Variants in TRPC4 observed in about 807,000 individuals in gnomAD.
TRPC4 encodes short transient receptor potential channel 4.
Under a neutral mutation model 99.4 loss-of-function variants are expected in TRPC4, and 49 were observed. The observed-to-expected ratio is 0.49, with a 90% CI of 0.39 to 0.63. TRPC4 has a LOEUF of 0.63. Among genes scored for constraint, TRPC4 ranks in the 20% least tolerant of loss-of-function variants. TRPC4 has a pLI of 0.00. For missense variants in TRPC4, 898 were observed against 1,152.9 expected, an observed-to-expected ratio of 0.78 and a Z score of 3.20; for synonymous variants, 454 against 425.9, an observed-to-expected ratio of 1.07 and a Z score of -0.81.
chr13:37,695,711 AG>A (rs1449711634), intron 3 of TRPC4, among the ~76,000 whole-genome samples: 1 of 152,244 alleles, frequency 6.6e-6, no homozygotes, highest in Non-Finnish European at 1.5e-5. Flanking sequence ...AACTTTAAAA[AG>A]TTTGAAAAGT....
intron 1 of TRPC4, among the ~76,000 whole-genome samples, chr13:37,846,316 G>T (rs541934317): frequency 2.0e-5 from 3 of 152,068 alleles, no homozygotes; most frequent in Non-Finnish European, 4.4e-5. Context: ...GGTGTGTAAA[G>T]CAACTTTATC....
At chr13:37,765,207 T>A (rs1212940976) in intron 2 of TRPC4, among the ~76,000 whole-genome samples, 1 of 151,458 alleles carries the variant, frequency 6.6e-6, no homozygotes, top group East Asian at 1.9e-4. Context: ...ATCAAATCTA[T>A]CAGTGTCTTT....
At chr13:37,707,370 A>T (rs1954317976) in intron 3 of TRPC4, among the ~76,000 whole-genome samples, 1 of 152,166 alleles carries the variant, frequency 6.6e-6, no homozygotes, top group South Asian at 2.1e-4. Flanking sequence ...CAAGATGTAA[A>T]TATACCCTCA....
At chr13:37,683,141 C>T (rs1457826018) in intron 4 of TRPC4, among the ~76,000 whole-genome samples, 2 of 151,876 alleles carry the variant, frequency 1.3e-5, no homozygotes, top group Non-Finnish European at 2.9e-5. Flanking sequence ...ACTACTGCCT[C>T]CCTAAGTCAA....
chr13:37,785,996 G>A (rs1956960655), intron 1 of TRPC4, among the ~76,000 whole-genome samples: 2 of 152,020 alleles, frequency 1.3e-5, no homozygotes, highest in Admixed American at 1.3e-4. Flanking sequence ...GTAATTAAGA[G>A]ATGGAGGAGG....
chr13:37,793,911 A>G (rs1319452202), intron 1 of TRPC4, among the ~76,000 whole-genome samples: 1 of 152,164 alleles, frequency 6.6e-6, no homozygotes, highest in Non-Finnish European at 1.5e-5. Flanking sequence ...TAATATGTGC[A>G]TAAAAGTAAA....
chr13:37,717,454 T>C lies in TRPC4; in HGVS notation c.898-25119A>G, dbSNP rs144661381. ...TGAAAGGGAGTAGCCTGTCTGAATC[T>C]CTGTCAGCTGTGGTGTGGCTGAAAC... On this transcript the variant is annotated intron_variant, in intron 3 of 10. Transcript: ENST00000379705. 2.6e-4 allele frequency among the ~76,000 whole-genome samples: 39 copies of C among 152,278 alleles called. 1 individual carries two copies. The East Asian group carries it at 7.5e-3, about 29-fold the overall frequency.
intron 1 of TRPC4, among the ~76,000 whole-genome samples, chr13:37,857,913 A>G (rs1430698219): frequency 6.6e-6 from 1 of 151,760 alleles, no homozygotes; most frequent in Admixed American, 6.6e-5. Flanking sequence ...AAATGGACAA[A>G]TGGGATCACA....
At chr13:37,746,701 A>T (rs1486388278) in intron 2 of TRPC4, among the ~76,000 whole-genome samples, 1 of 151,930 alleles carries the variant, frequency 6.6e-6, no homozygotes, top group African/African-American at 2.4e-5. Flanking sequence ...AGCATCTTAA[A>T]ATAGGTGGTT....
intron 1 of TRPC4, among the ~76,000 whole-genome samples, chr13:37,849,726 G>T (rs1165402189): frequency 6.6e-6 from 1 of 152,220 alleles, no homozygotes; most frequent in Non-Finnish European, 1.5e-5. Flanking sequence ...GCCTCAGAAT[G>T]TTCAGCACTG....
Position 37,765,846 on chromosome 13 carries a change from A to C in TRPC4, c.378+17110T>G, listed in dbSNP as rs1956349482. 3.3e-5 allele frequency among the ~76,000 whole-genome samples: 5 copies of C among 151,448 alleles called. No homozygotes were observed. In the Middle Eastern group the frequency reaches 0.01, roughly 313 times the overall value. The stretch of plus-strand genomic sequence containing the variant: ...GATTAATTTTATCATATGCTTTGTA[A>C]ATTTCTCTTTTCTAGATATATTTGA... On this transcript the variant is annotated intron_variant, in intron 2 of 10. Transcript: ENST00000379705.
Position 37,678,581 on chromosome 13 carries a change from T to C in TRPC4, c.1235-4214A>G, listed in dbSNP as rs184317626. Among the ~76,000 whole-genome samples, 402 of 152,206 alleles carry C rather than the reference T, an allele frequency of 2.6e-3. 1 individual carries two copies. The highest frequency in any genetic ancestry group is 9.5e-3 in the African/African-American group (393 of 41,578). On this transcript the variant is annotated intron_variant, in intron 4 of 10. Transcript: ENST00000379705. ...GGACATAAAGCAACCTGAATAGTCC[T>C]ATAGTTATTAAAGGAAATGAACTGG...
intron 5 of TRPC4, among the ~76,000 whole-genome samples, chr13:37,671,394 G>A (rs1364854301): frequency 6.6e-6 from 1 of 151,940 alleles, no homozygotes; most frequent in Admixed American, 6.6e-5. Flanking sequence ...TAATAAAATT[G>A]AGACCTACAT....
At chr13:37,858,679 C>G (rs1959194482) in intron 1 of TRPC4, among the ~76,000 whole-genome samples, 1 of 151,280 alleles carries the variant, frequency 6.6e-6, no homozygotes, top group African/African-American at 2.4e-5. Flanking sequence ...AGAGACAGCA[C>G]AGAAAGACAA....
Position 37,637,403 on chromosome 13 carries a change from A to G in TRPC4, c.2434T>C (p.Ser812Pro), listed in dbSNP as rs1194546701. Residue 812 changes from serine (S) to proline (P), a missense_variant, in exon 11 of 11, where the codon TCT (serine) becomes CCT (proline). Transcript: ENST00000379705. The part of the protein sequence containing the change: ...LIHPRSAAIA[S>P]ERHNISNGSA... ...CCATTGCTTATGTTATGTCTTTCAG[A>G]GGCAATTGCTGCTGATCTCGGATGA... The G allele has an allele frequency of 6.2e-7, 1 of 1,613,684 alleles. No individual in the cohort carries two copies. The highest frequency in any genetic ancestry group is 8.5e-7 in the Non-Finnish European group (1 of 1,179,826).
At chr13:37,656,643 C>T (rs1408724528) in intron 6 of TRPC4, among the ~76,000 whole-genome samples, 1 of 152,114 alleles carries the variant, frequency 6.6e-6, no homozygotes, top group Non-Finnish European at 1.5e-5. Flanking sequence ...AGAAGTTTGC[C>T]TTAAAAATAT....
intron 1 of TRPC4, among the ~76,000 whole-genome samples, chr13:37,792,334 T>C (rs1245309704): frequency 6.6e-6 from 1 of 152,172 alleles, no homozygotes; most frequent in African/African-American, 2.4e-5. Flanking sequence ...CTTGCTCTAA[T>C]CCTTATTTCC....
intron 3 of TRPC4, among the ~76,000 whole-genome samples, chr13:37,707,142 T>G (rs917185774): frequency 6.6e-6 from 1 of 152,204 alleles, no homozygotes; most frequent in Non-Finnish European, 1.5e-5. Context: ...AAAATATTGA[T>G]GTTAAAAATA....
At chr13:37,834,187 G>A (rs1958498581) in intron 1 of TRPC4, among the ~76,000 whole-genome samples, 1 of 152,100 alleles carries the variant, frequency 6.6e-6, no homozygotes, top group South Asian at 2.1e-4. Context: ...GTTTATAAAT[G>A]TTCTACATAG....
Sources: gnomAD v4.1 joint callset for allele counts (sites outside exome capture counted in the v4.1 genomes callset) on GRCh38, gnomAD v4.1.1 for gene constraint, MANE v1.5 for transcripts, NCBI Gene and HGNC (gene_info 2026-07-23, HGNC 2026-07-21) for gene names.